Variants in CD177 observed in about 807,000 individuals in gnomAD.
CD177 encodes the protein CD177 molecule, also known as CD177 antigen.
CD177 carries 41 observed loss-of-function variants against 38.1 expected under a neutral mutation model. The observed-to-expected ratio is 1.07, with a 90% confidence interval of 0.84 to 1.39. The LOEUF (loss-of-function observed/expected upper bound fraction) is 1.39. Ranked by LOEUF, CD177 falls within the 40% of genes most tolerant of loss-of-function variation. The pLI is 0.00. For synonymous variants in CD177, 236 were observed against 216.7 expected, an observed-to-expected ratio of 1.09 and a Z score of -0.78; for missense variants, 619 against 523.8, an observed-to-expected ratio of 1.18 and a Z score of -1.77.
chr19:43,361,889 G>A (rs1171305226), intron 8 of CD177, among the ~76,000 whole-genome samples, 199 bp from the exon 9 acceptor site: 1 of 149,100 alleles, frequency 6.7e-6, no homozygotes, highest in Non-Finnish European at 1.5e-5. Flanking sequence ...CTGGGTCTGA[G>A]GTAGGAGGGA....
rs776907194 is a variant in CD177 at position 43,354,399 on chromosome 19, G to T, written c.379+7G>T. The T allele has an allele frequency of 1.2e-6, 2 of 1,613,570 alleles. No individual in the cohort carries two copies. The highest frequency in any genetic ancestry group is 2.2e-5 in the East Asian group (1 of 44,870). On this transcript the variant is annotated splice_region_variant and intron_variant, in intron 3 of 8. Coordinates refer to ENST00000618265, the MANE Select transcript of CD177 (RefSeq NM_020406.4). ...GCCCCACAGCCCCCAGCAGGTGCCT[G>T]CGGGAGGGTCGGGAGGAGAGGGAGG...
chr19:43,362,047 C>G, intron 8 of CD177, 41 bp from the exon 9 acceptor site: 1 of 1,567,642 alleles, frequency 6.4e-7, no homozygotes, highest in Non-Finnish European at 8.8e-7. Flanking sequence ...CTTGGCTGGG[C>G]TGTACTCTGT....
At position 43,353,688 on chromosome 19, in the gene CD177, A is replaced by G. The variant is rs780731887; in HGVS notation, c.-27A>G. 2.5e-6 allele frequency: 4 copies of G among 1,613,690 alleles called. No individual in the cohort carries two copies. Among genetic ancestry groups the G allele is most frequent in the Non-Finnish European group, 3.4e-6 (4 of 1,179,716 alleles). On this transcript the variant is annotated 5_prime_UTR_variant, in exon 1 of 9. Transcript: ENST00000618265. ...GACTTGTTTCCTGCTGAAAAAGCAG[A>G]AAGAGATTACCAGCCACAGACGGGT...
rs747793913 is a variant in CD177, at chr19:43,362,160, G to C, written c.1154G>C (p.Arg385Thr). 7 of 1,613,824 alleles carry C rather than the reference G, an allele frequency of 4.3e-6. No homozygotes were observed. The East Asian group carries it at 1.6e-4, about 36-fold the overall frequency. ...QPSSFLLNHT[R>T]QIGIFSAREK... is the part of the protein sequence containing the mutation. ...TCCAGCTTCTTGTTGAACCACACCA[G>C]ACAAATCGGGATCTTCTCTGCGCGT... Residue 385 changes from arginine (R) to threonine (T), a missense_variant, in exon 9 of 9, where the codon AGA becomes ACA. Coordinates refer to ENST00000618265, the MANE Select transcript of CD177 (RefSeq NM_020406.4).
At position 43,362,132 on chromosome 19, in the gene CD177, C is replaced by T; in HGVS notation, c.1126C>T (p.Pro376Ser). 6.2e-7 allele frequency: 1 copy of T among 1,613,802 alleles called. No homozygotes were observed. Among genetic ancestry groups the T allele is most frequent in the Non-Finnish European group, 8.5e-7 (1 of 1,179,766 alleles). ...KMSIQGCVAQ[P>S]SSFLLNHTRQ... ...GAGCATTCAGGGCTGCGTGGCCCAA[C>T]CTTCCAGCTTCTTGTTGAACCACAC... Residue 376 changes from proline to serine, a missense_variant, in exon 9 of 9, where the codon CCT (proline) becomes TCT (serine). Coordinates refer to ENST00000618265, the MANE Select transcript of CD177 (RefSeq NM_020406.4).
Position 43,362,079 on chromosome 19 carries a change from T to TC in CD177, c.1082-6dup, listed in dbSNP as rs766186727. 1.2e-5 allele frequency: 19 copies of TC among 1,612,306 alleles called. No homozygotes were observed. Among genetic ancestry groups the TC allele is most frequent in the Non-Finnish European group, 1.6e-5 (19 of 1,178,706 alleles). Reference sequence around the variant, plus strand: ...CTGTGTCCTTTCTGACTTGGTCTTCTCCCTCTAGGTGGGCTGTCCACCAAA... The same window carrying TC: ...CTGTGTCCTTTCTGACTTGGTCTTCTCCCCTCTAGGTGGGCTGTCCACCAAA... On this transcript the variant is annotated splice_polypyrimidine_tract_variant and intron_variant, in intron 8 of 8. Transcript: ENST00000618265.
intron 2 of CD177, 84 bp downstream of exon 2, chr19:43,354,077 C>T (rs1409509866): frequency 4.5e-6 from 7 of 1,572,608 alleles, no homozygotes; most frequent in Middle Eastern, 2.3e-4. Context: ...GCCACCCCTC[C>T]GGGGGATCGA....
At chr19:43,361,614 C>T (rs1969966612) in intron 8 of CD177, 35 bp downstream of exon 8, 2 of 1,549,924 alleles carry the variant, frequency 1.3e-6, no homozygotes, top group Admixed American at 1.9e-5. Context: ...AGGATGAAGG[C>T]ACTGGTGGCC....
downstream of CD177, among the ~76,000 whole-genome samples, chr19:43,366,020 A>G (rs1970023486): frequency 6.6e-6 from 1 of 152,186 alleles, no homozygotes; most frequent in African/African-American, 2.4e-5. Context: ...CCGAATGGTC[A>G]GAGTTACCTG....
chr19:43,360,147 G>C, intron 5 of CD177, 118 bp from the exon 6 acceptor site: 2 of 1,219,778 alleles, frequency 1.6e-6, no homozygotes, highest in East Asian at 2.6e-5. Context: ...AAGGGAATCT[G>C]TGGCCAGGTC....
At position 43,361,508 on chromosome 19, in the gene CD177, G is replaced by C; in HGVS notation, c.1010G>C (p.Ser337Thr). The C allele has an allele frequency of 6.3e-7, 1 of 1,593,250 alleles. No individual in the cohort carries two copies. The highest frequency in any genetic ancestry group is 2.2e-5 in the East Asian group (1 of 44,682). Reference sequence around the variant, plus strand: ...GTGCAGCCCCTTGGAACCTGTTCAAGTGGCTCCCCCCGAATGACCTGCCCC... The same window carrying C: ...GTGCAGCCCCTTGGAACCTGTTCAACTGGCTCCCCCCGAATGACCTGCCCC... ...TCVQPLGTCS[S>T]GSPRMTCPRG... Residue 337 changes from serine to threonine, a missense_variant, in exon 8 of 9, where the codon AGT becomes ACT. Coordinates refer to ENST00000618265, the MANE Select transcript of CD177 (RefSeq NM_020406.4).
intron 3 of CD177, 73 bp downstream of exon 3, chr19:43,354,465 A>T: frequency 6.7e-7 from 1 of 1,500,640 alleles, no homozygotes; most frequent in Admixed American, 1.7e-5. Context: ...AGGGGCTGTT[A>T]CGGAGTCCCT....
chr19:43,353,802 G>C lies in CD177; in HGVS notation c.52+36G>C, dbSNP rs371820842. 122 of 1,613,884 alleles carry C rather than the reference G, an allele frequency of 7.6e-5. No individual in the cohort carries two copies. The African/African-American group carries it at 1.3e-3, about 18-fold the overall frequency. On this transcript the variant is annotated intron_variant, in intron 1 of 8. Coordinates refer to ENST00000618265, the MANE Select transcript of CD177 (RefSeq NM_020406.4). Reference sequence around the variant, plus strand: ...AGCCCAGCCTGGAGGAGATTCCCTGGAGGCCGGGCAAGGGAACCCTGCTGA... The same window carrying C: ...AGCCCAGCCTGGAGGAGATTCCCTGCAGGCCGGGCAAGGGAACCCTGCTGA...
chr19:43,353,883 C>T lies in CD177; in HGVS notation c.83C>T (p.Thr28Ile), dbSNP rs1266721056. Residue 28 changes from threonine (T) to isoleucine (I), a missense_variant, in exon 2 of 9, where the codon ACA becomes ATA. Coordinates refer to ENST00000618265, the MANE Select transcript of CD177 (RefSeq NM_020406.4). ...GVQALLCQFG[T>I]VQHVWKVSDL... ...CAGGCGCTGCTCTGCCAGTTTGGGA[C>T]AGTTCAGCATGTGTGGAAGGTGTCC... 6.2e-7 allele frequency: 1 copy of T among 1,613,870 alleles called. No individual in the cohort carries two copies. The highest frequency in any genetic ancestry group is 1.6e-4 in the Middle Eastern group (1 of 6,062).
At chr19:43,355,043 T>C (rs1969903228) in intron 3 of CD177, among the ~76,000 whole-genome samples, 2 of 127,222 alleles carry the variant, frequency 1.6e-5, no homozygotes, top group Non-Finnish European at 1.7e-5. Flanking sequence ...AGCAGGCCCC[T>C]CCTCCACCCT....
chr19:43,365,905 GC>G (rs1324526931), downstream of CD177, among the ~76,000 whole-genome samples: 2 of 152,188 alleles, frequency 1.3e-5, no homozygotes, highest in African/African-American at 4.8e-5. Flanking sequence ...TCCCGTGGAT[GC>G]TGGAGGCTGC....
At chr19:43,355,506 C>T (rs778380055) in intron 3 of CD177, 155 bp from the exon 4 acceptor site, 2 of 828,610 alleles carry the variant, frequency 2.4e-6, no homozygotes, top group East Asian at 5.3e-5. Context: ...TTTATTTTCC[C>T]ACATCCAGAT....
downstream of CD177, among the ~76,000 whole-genome samples, chr19:43,366,050 T>C (rs1970023903): frequency 6.6e-6 from 1 of 152,162 alleles, no homozygotes; most frequent in Non-Finnish European, 1.5e-5. Context: ...GCGCGGAATT[T>C]CTCTAGAACC....
At chr19:43,354,553 C>A in intron 3 of CD177, 161 bp downstream of exon 3, 1 of 726,058 alleles carries the variant, frequency 1.4e-6, no homozygotes, top group Non-Finnish European at 2.3e-6. Flanking sequence ...CCCCGCCCCG[C>A]TCCCTTTCCA....
Sources: allele counts gnomAD v4.1 joint callset (sites outside exome capture counted in the v4.1 genomes callset), GRCh38; gene constraint gnomAD v4.1.1; transcripts MANE v1.5; gene names NCBI Gene and HGNC (gene_info 2026-07-23, HGNC 2026-07-21).